Variants in CFAP20DC observed in about 807,000 individuals in gnomAD.
CFAP20DC encodes the protein CFAP20 domain containing.
A neutral mutation model predicts 101.7 loss-of-function variants in CFAP20DC; 84 were observed. The ratio of observed to expected loss-of-function variants is 0.83; its 90% CI spans 0.69 to 0.99. The LOEUF (loss-of-function observed/expected upper bound fraction) is 0.99, where lower values mean the gene tolerates loss of function less well. CFAP20DC is among the 50% of genes least tolerant of loss of function. CFAP20DC has a pLI of 0.00. For synonymous variants in CFAP20DC, 359 were observed against 351.2 expected, an observed-to-expected ratio of 1.02 and a Z score of -0.25; for missense variants, 1,007 against 970.3, an observed-to-expected ratio of 1.04 and a Z score of -0.50.
chr3:58,742,780 A>G (rs142383297), intron 16 of CFAP20DC, among the ~76,000 whole-genome samples: 1,835 of 152,304 alleles, frequency 0.012, 13 homozygotes, highest in Middle Eastern at 0.031. Flanking sequence ...GACCAGAAGG[A>G]CCAACTTCTT....
chr3:58,927,964 A>C (rs1009980973), intron 5 of CFAP20DC, among the ~76,000 whole-genome samples: 2 of 152,232 alleles, frequency 1.3e-5, no homozygotes, highest in Non-Finnish European at 2.9e-5. Context: ...AAGTTTTCAA[A>C]CCAAATTTCT....
chr3:58,904,261 A>T (rs565573348), intron 6 of CFAP20DC, among the ~76,000 whole-genome samples: 2 of 152,110 alleles, frequency 1.3e-5, no homozygotes, highest in Non-Finnish European at 2.9e-5. Context: ...TTATTTTTAG[A>T]GTTTCTGAGA....
At position 58,863,532 on chromosome 3, in the gene CFAP20DC, A is replaced by G; in HGVS notation, c.1593+26T>C. The G allele has an allele frequency of 6.2e-7, 1 of 1,611,938 alleles. No individual in the cohort carries two copies. The highest frequency in any genetic ancestry group is 2.2e-5 in the East Asian group (1 of 44,866). On this transcript the variant is annotated intron_variant, in intron 12 of 16. Transcript: ENST00000482387. This position sits in a 1 kb window ranked among gnomAD's most constrained non-coding sequence, Gnocchi z 5.9. ...GCTAAGGAAACAACTGTGCTTCAAG[A>G]CTACTTCACTTATCAAGCAGTGTAC...
intron 12 of CFAP20DC, among the ~76,000 whole-genome samples, chr3:58,851,459 A>G (rs1257955713): frequency 1.3e-5 from 2 of 152,222 alleles, no homozygotes; most frequent in African/African-American, 2.4e-5. Context: ...TACACAGAGT[A>G]TGAGATCCTT....
Position 58,721,989 on chromosome 3 carries a change from C to G in CFAP20DC, c.198-4361G>C, listed in dbSNP as rs1033231280. On this transcript the variant is annotated intron_variant, in intron 3 of 3. Transcript: ENST00000486145. This position sits in a 1 kb window ranked among gnomAD's most constrained non-coding sequence, Gnocchi z 5.2. ...CCAAGAGGATGTGGTGGAAGAGAAG[C>G]TGTGTGACTTCTGGGACTAGTTCAG... 1.3e-5 allele frequency among the ~76,000 whole-genome samples: 2 copies of G among 152,222 alleles called. No homozygotes were observed. Among genetic ancestry groups the G allele is most frequent in the African/African-American group, 4.8e-5 (2 of 41,456 alleles).
chr3:58,777,739 G>A (rs2107544930), intron 15 of CFAP20DC, among the ~76,000 whole-genome samples: 1 of 152,210 alleles, frequency 6.6e-6, no homozygotes, highest in East Asian at 1.9e-4. Context: ...GCCCCTACTG[G>A]TCCATAATCC....
At chr3:58,836,763 TA>T (rs918622194) in intron 13 of CFAP20DC, among the ~76,000 whole-genome samples, 9 of 150,420 alleles carry the variant, frequency 6.0e-5, no homozygotes, top group East Asian at 3.9e-4. Context: ...CCTCTGTATT[TA>T]AAAAAAAAAT....
At chr3:58,853,616 C>A (rs1436092597) in intron 12 of CFAP20DC, among the ~76,000 whole-genome samples, 12 of 152,012 alleles carry the variant, frequency 7.9e-5, no homozygotes, top group Non-Finnish European at 1.5e-4. Flanking sequence ...TCCAGCAGCA[C>A]ATCAAAATGC....
intron 7 of CFAP20DC, among the ~76,000 whole-genome samples, chr3:58,883,464 C>T (rs1030084385): frequency 4.6e-5 from 7 of 152,094 alleles, no homozygotes; most frequent in Admixed American, 1.3e-4. Context: ...ATACTAAGGC[C>T]CTTCTTATTA....
intron 4 of CFAP20DC, among the ~76,000 whole-genome samples, chr3:59,030,449 A>G (rs963249706): frequency 6.6e-6 from 1 of 152,230 alleles, no homozygotes; most frequent in African/African-American, 2.4e-5. Flanking sequence ...ACAATCTGAT[A>G]AATTCCCAAG....
At chr3:58,922,766 AG>A (rs769619787) in intron 5 of CFAP20DC, among the ~76,000 whole-genome samples, 24 of 152,102 alleles carry the variant, frequency 1.6e-4, no homozygotes, top group Non-Finnish European at 2.8e-4. Flanking sequence ...ATTCCTTTAT[AG>A]CAACACAAAT....
At chr3:58,893,652 A>G (rs886282527) in intron 6 of CFAP20DC, among the ~76,000 whole-genome samples, 19 of 152,168 alleles carry the variant, frequency 1.2e-4, no homozygotes, top group African/African-American at 3.9e-4. Flanking sequence ...GCCTCACAGA[A>G]TGAGTTAGGG....
chr3:58,857,585 A>C (rs1482938150), intron 12 of CFAP20DC, among the ~76,000 whole-genome samples: 1 of 152,216 alleles, frequency 6.6e-6, no homozygotes. Context: ...ATATGGAAAG[A>C]ATAAATAACT....
In CFAP20DC at chr3:58,882,026, T is replaced by G. The variant is rs1426161097; in HGVS notation, c.715+2519A>C. ...AACCACAAAGTGCAATTTATGTTTGTGTAATCTTAGCTGGCATACATGTGC... is the reference window on the plus strand; with the variant it reads ...AACCACAAAGTGCAATTTATGTTTGGGTAATCTTAGCTGGCATACATGTGC... On this transcript the variant is annotated intron_variant, in intron 7 of 16. Coordinates refer to ENST00000482387, the MANE Select transcript of CFAP20DC (RefSeq NM_001394063.1). The surrounding 1 kb of genome is among the most constrained non-coding windows in gnomAD (Gnocchi z 4.2). Among the ~76,000 whole-genome samples, 1 of 152,186 alleles carries G rather than the reference T, an allele frequency of 6.6e-6. No homozygotes were observed. The highest frequency in any genetic ancestry group is 1.9e-4 in the East Asian group (1 of 5,204).
At chr3:58,953,982 T>C (rs777413901) in intron 4 of CFAP20DC, among the ~76,000 whole-genome samples, 7 of 152,166 alleles carry the variant, frequency 4.6e-5, no homozygotes, top group Non-Finnish European at 1.0e-4. Flanking sequence ...AATGAGACTA[T>C]GTTGAGAGAA....
intron 15 of CFAP20DC, among the ~76,000 whole-genome samples, chr3:58,769,127 G>A (rs2070598211): frequency 6.6e-6 from 1 of 152,210 alleles, no homozygotes; most frequent in Non-Finnish European, 1.5e-5. Flanking sequence ...GATAGGAGCT[G>A]TGACCCTGGG....
At chr3:59,009,023 G>A (rs532528276) in intron 4 of CFAP20DC, among the ~76,000 whole-genome samples, 128 of 152,028 alleles carry the variant, frequency 8.4e-4, no homozygotes, top group African/African-American at 3.0e-3. Flanking sequence ...CACCAGCATT[G>A]GGGAAAGCCA....
chr3:58,954,415 TG>T (rs1287972032), intron 4 of CFAP20DC, among the ~76,000 whole-genome samples: 2 of 152,214 alleles, frequency 1.3e-5, no homozygotes, highest in Admixed American at 6.5e-5. Context: ...TAAGCCAAAA[TG>T]GTTTTTATTT....
intron 13 of CFAP20DC, among the ~76,000 whole-genome samples, chr3:58,846,279 C>T (rs1377651535): frequency 6.6e-6 from 1 of 151,682 alleles, no homozygotes; most frequent in Non-Finnish European, 1.5e-5. Context: ...TGTCTCAGCC[C>T]AAAATCTCCT....
Sources: gnomAD v4.1 joint callset for allele counts (sites outside exome capture counted in the v4.1 genomes callset) on GRCh38, gnomAD v4.1.1 for gene constraint, Gnocchi (gnomAD v3.1) non-coding constraint, MANE v1.5 for transcripts, NCBI Gene and HGNC (gene_info 2026-07-23, HGNC 2026-07-21) for gene names.